The following SCMH1 variants were observed in gnomAD, a reference collection of about 807,000 sequenced individuals.
SCMH1 encodes the protein polycomb protein SCMH1.
Under a neutral mutation model 70.8 loss-of-function variants are expected in SCMH1, and 37 were observed. The observed-to-expected ratio is 0.52, with a 90% confidence interval of 0.40 to 0.69. The LOEUF is 0.69. Ranked by LOEUF, SCMH1 falls within the 30% of genes least tolerant of loss-of-function variation. The pLI, the probability that SCMH1 is intolerant of heterozygous loss-of-function variation, is 0.00. For missense variants in SCMH1, 607 were observed against 827.3 expected, an observed-to-expected ratio of 0.73 and a Z score of 3.27; for synonymous variants, 292 against 307.4, an observed-to-expected ratio of 0.95 and a Z score of 0.52.
intron 1 of SCMH1, among the ~76,000 whole-genome samples, chr1:41,202,672 A>G (rs1654632329): frequency 6.6e-6 from 1 of 152,114 alleles, no homozygotes; most frequent in Non-Finnish European, 1.5e-5. Flanking sequence ...GTGAGGGCAG[A>G]CTCACTAAGA....
chr1:41,048,837 T>C (rs1053112950), exon 11 of SCMH1: 1 of 1,614,182 alleles, frequency 6.2e-7, no homozygotes, highest in Non-Finnish European at 8.5e-7. Context: ...TGCTGGACCT[T>C]CTTCTTATCT....
Position 41,061,500 on chromosome 1 carries a change from A to C in SCMH1, c.1105+9095T>G, listed in dbSNP as rs1652627435. Among the ~76,000 whole-genome samples the C allele has an allele frequency of 3.3e-5, 5 of 152,182 alleles. No homozygotes were observed. The South Asian group carries it at 1.0e-3, about 31-fold the overall frequency. ...TCAGGGAAAGACAGGGGCATTACAT[A>C]ATAAGAGGCCAATTCTCCAAGAAGA... On this transcript the variant is annotated intron_variant, in intron 10 of 14. Coordinates refer to ENST00000337495, the Ensembl canonical transcript of SCMH1.
At chr1:41,155,807 C>T (rs213739) in intron 4 of SCMH1, among the ~76,000 whole-genome samples, 113,990 of 151,588 alleles carry the variant, frequency 0.75, 43,439 homozygotes, top group African/African-American at 0.87. Context: ...CATGATGAAA[C>T]CTCGTCTCTA....
At chr1:41,165,586 G>A (rs1646360278) in intron 2 of SCMH1, among the ~76,000 whole-genome samples, 1 of 152,080 alleles carries the variant, frequency 6.6e-6, no homozygotes, top group South Asian at 2.1e-4. Context: ...CCTAAAAGGT[G>A]TTGGCTATAG....
intron 8 of SCMH1, among the ~76,000 whole-genome samples, chr1:41,097,274 C>T (rs1241150928): frequency 6.6e-6 from 1 of 152,170 alleles, no homozygotes; most frequent in Non-Finnish European, 1.5e-5. Context: ...CTAGCATATT[C>T]TGCTAATGAC....
intron 6 of SCMH1, among the ~76,000 whole-genome samples, chr1:41,131,711 AC>A (rs1207339693): frequency 2.0e-5 from 3 of 150,874 alleles, no homozygotes; most frequent in Non-Finnish European, 1.5e-5. Flanking sequence ...CCAGCCTCCC[AC>A]CCCCCAGCAG....
At chr1:41,116,093 C>T (rs994844269) in intron 7 of SCMH1, among the ~76,000 whole-genome samples, 3 of 152,132 alleles carry the variant, frequency 2.0e-5, no homozygotes, top group Non-Finnish European at 2.9e-5. Context: ...TCCACTGATC[C>T]GGAAGTTAAA....
intron 6 of SCMH1, among the ~76,000 whole-genome samples, chr1:41,131,574 T>C (rs751998047): frequency 6.6e-6 from 1 of 152,228 alleles, no homozygotes; most frequent in Admixed American, 6.5e-5. Flanking sequence ...TGTATTATAC[T>C]TTAAATTCTG....
intron 6 of SCMH1, among the ~76,000 whole-genome samples, chr1:41,119,805 A>C (rs1251455280): frequency 6.6e-6 from 1 of 152,124 alleles, no homozygotes; most frequent in Admixed American, 6.5e-5. Context: ...ACACCAGATA[A>C]ATCCTTGGAC....
chr1:41,103,874 A>G (rs1212234473), intron 8 of SCMH1, among the ~76,000 whole-genome samples: 1 of 152,122 alleles, frequency 6.6e-6, no homozygotes, highest in Non-Finnish European at 1.5e-5. Context: ...AATCAGTGGG[A>G]GAACCCAGAT....
intron 1 of SCMH1, among the ~76,000 whole-genome samples, chr1:41,201,188 A>C (rs1654279926): frequency 6.6e-6 from 1 of 152,178 alleles, no homozygotes. Flanking sequence ...ATCCTCTCTA[A>C]AGTCTCAGAT....
intron 1 of SCMH1, among the ~76,000 whole-genome samples, chr1:41,196,279 C>A (rs557305721): frequency 3.9e-5 from 6 of 151,916 alleles, no homozygotes; most frequent in African/African-American, 1.4e-4. Flanking sequence ...AAAAAAAGAA[C>A]AAAGTTAGAA....
At chr1:41,152,652 A>G (rs1296758419) in intron 4 of SCMH1, 6 of 1,614,062 alleles carry the variant, frequency 3.7e-6, no homozygotes, top group Non-Finnish European at 5.1e-6. Flanking sequence ...CTCACAAGCT[A>G]AAACACTGTA....
At chr1:41,040,974 G>C (rs1372277058) in intron 12 of SCMH1, among the ~76,000 whole-genome samples, 1 of 152,068 alleles carries the variant, frequency 6.6e-6, no homozygotes, top group Non-Finnish European at 1.5e-5. Flanking sequence ...AAGATAGAGA[G>C]AACCTGTCAT....
rs181194266 is a variant in SCMH1, at chr1:41,154,407, C to T, written c.107-2723G>A. 1.1e-4 allele frequency among the ~76,000 whole-genome samples: 16 copies of T among 152,214 alleles called. 1 individual carries two copies. The highest frequency in any genetic ancestry group is 2.9e-5 in the Non-Finnish European group (2 of 68,006). ...ACTATCTTGGGTAAATTACTTAATC[C>T]TTCCAAGCCTAAGTTTACTCATGTG... On this transcript the variant is annotated intron_variant, in intron 4 of 14. Transcript: ENST00000337495.
chr1:41,113,600 T>G lies in SCMH1; in HGVS notation c.502-74A>C. ...TATGCCAATAGACTACTATCTAATT[T>G]GGATGATTAAAAAGTGACTGCTACA... is the stretch of plus-strand genomic sequence containing the variant. On this transcript the variant is annotated intron_variant, in intron 7 of 14. Transcript: ENST00000337495. The surrounding 1 kb of genome is among the most constrained non-coding windows in gnomAD (Gnocchi z 4.3). The G allele has an allele frequency of 6.6e-7, 1 of 1,509,464 alleles. No individual in the cohort carries two copies. Among genetic ancestry groups the G allele is most frequent in the South Asian group, 1.4e-5 (1 of 73,536 alleles). The allele number at this position is 1,509,464 out of a possible 1,614,324, so 93.5% of individuals were successfully genotyped here. A position where few individuals can be genotyped will look rare whatever the true frequency, so the allele number is the denominator to read the frequency against.
At chr1:41,059,786 T>C (rs539070057) in intron 10 of SCMH1, among the ~76,000 whole-genome samples, 1 of 152,264 alleles carries the variant, frequency 6.6e-6, no homozygotes, top group Non-Finnish European at 1.5e-5. Flanking sequence ...TTATCCTAGC[T>C]CCTGCACTTG....
At chr1:41,099,020 G>T in intron 8 of SCMH1, 2 of 256,820 alleles carry the variant, frequency 7.8e-6, no homozygotes, top group South Asian at 1.1e-4. Context: ...GAAGCTCTAT[G>T]ACACTGATGT....
chr1:41,075,354 C>T, exon 9 of SCMH1: 3 of 1,614,088 alleles, frequency 1.9e-6, no homozygotes, highest in Non-Finnish European at 2.5e-6. Context: ...GCCCCCTCTG[C>T]CCTGGTTGAT....
Sources: allele counts gnomAD v4.1 joint callset (sites outside exome capture counted in the v4.1 genomes callset), GRCh38; gene constraint gnomAD v4.1.1; non-coding constraint Gnocchi (gnomAD v3.1); transcripts MANE v1.5; gene names NCBI Gene and HGNC (gene_info 2026-07-23, HGNC 2026-07-21).